PGPEP1L: variants seen among roughly 807,000 people sequenced by gnomAD.
PGPEP1L encodes the protein pyroglutamyl-peptidase 1-like protein.
In PGPEP1L, 7 loss-of-function variants were observed where a neutral mutation model predicts 6.0. The ratio of observed to expected loss-of-function variants is 1.17; its 90% confidence interval spans 0.66 to 2.19. The LOEUF is 2.19. Ranked by LOEUF, PGPEP1L falls within the 30% of genes most tolerant of loss-of-function variation. The probability of loss-of-function intolerance (pLI) is 0.00; values close to 1 mark genes in which losing one functional copy is unlikely to be tolerated. For missense variants in PGPEP1L, 209 were observed against 192.5 expected (o/e 1.09, Z -0.51); for synonymous variants, 103 against 83.9 (o/e 1.23, Z -1.24).
At chr15:98,978,268 C>T (rs1031063567) in intron 2 of PGPEP1L, among the ~76,000 whole-genome samples, 1 of 152,144 alleles carries the variant, frequency 6.6e-6, no homozygotes, top group African/African-American at 2.4e-5. Context: ...GAGTGGAACC[C>T]GAAACTGGGA....
intron 4 of PGPEP1L, 109 bp from the exon 5 acceptor site, chr15:98,968,806 G>GC (rs1421049208): frequency 3.1e-6 from 3 of 957,596 alleles, no homozygotes; most frequent in Non-Finnish European, 4.7e-6. Context: ...AGGGAGCACT[G>GC]CCACCCAAGG....
chr15:98,990,440 T>C (rs1375535466), intron 2 of PGPEP1L, among the ~76,000 whole-genome samples: 3 of 152,138 alleles, frequency 2.0e-5, no homozygotes, highest in African/African-American at 7.2e-5. Context: ...GCACCCAATA[T>C]AGGAGCACCC....
At chr15:98,989,272 G>A (rs943836123) in intron 2 of PGPEP1L, among the ~76,000 whole-genome samples, 1 of 152,178 alleles carries the variant, frequency 6.6e-6, no homozygotes, top group Non-Finnish European at 1.5e-5. Flanking sequence ...AGAATAACCA[G>A]TTTAGAGAAG....
chr15:99,003,433 G>A (rs1188668950), intron 2 of PGPEP1L, among the ~76,000 whole-genome samples: 25 of 150,766 alleles, frequency 1.7e-4, no homozygotes, highest in Admixed American at 9.9e-4. Flanking sequence ...AGCCCCCAGT[G>A]CAACTTGCAA....
rs544264319 is a variant in PGPEP1L at position 98,968,471 on chromosome 15, C to G, written c.*7G>C. The G allele has an allele frequency of 6.2e-7, 1 of 1,610,780 alleles. No homozygotes were observed. Among genetic ancestry groups the G allele is most frequent in the African/African-American group, 1.3e-5 (1 of 74,902 alleles). On this transcript the variant is annotated 3_prime_UTR_variant, in exon 5 of 5. Coordinates refer to ENST00000535714, the MANE Select transcript of PGPEP1L (RefSeq NM_001167902.2). ...ATTCAATTTTCTCTAGAGGAGCAAT[C>G]CCCCGGTCAGTTCCCTTTGGCTGGA...
At chr15:98,970,994 C>T in intron 3 of PGPEP1L, 42 bp downstream of exon 3, 2 of 1,609,634 alleles carry the variant, frequency 1.2e-6, no homozygotes, top group Non-Finnish European at 1.7e-6. Context: ...TCCAGCTCCA[C>T]ATCGCCAGTC....
chr15:99,004,018 C>T (rs1225038155), intron 2 of PGPEP1L, among the ~76,000 whole-genome samples: 3 of 147,990 alleles, frequency 2.0e-5, no homozygotes, highest in Non-Finnish European at 3.0e-5. Context: ...AAAGATTAAG[C>T]GACACAACTT....
At chr15:98,987,256 G>A (rs1206633397) in intron 2 of PGPEP1L, among the ~76,000 whole-genome samples, 1 of 147,340 alleles carries the variant, frequency 6.8e-6, no homozygotes, top group African/African-American at 2.5e-5. Flanking sequence ...GCCTTCCTCT[G>A]TTTGGGGACA....
chr15:98,975,953 T>C (rs2017563447), intron 2 of PGPEP1L, among the ~76,000 whole-genome samples: 1 of 151,870 alleles, frequency 6.6e-6, no homozygotes, highest in Non-Finnish European at 1.5e-5. Context: ...AGATGTATGG[T>C]GAAATAAGCC....
chr15:98,981,636 G>A (rs1829652), intron 2 of PGPEP1L, among the ~76,000 whole-genome samples: 131,258 of 152,164 alleles, frequency 0.86, 57,575 homozygotes, highest in South Asian at 0.94. Context: ...CAGAAGAGAG[G>A]CATTAGGGGA....
intron 2 of PGPEP1L, among the ~76,000 whole-genome samples, chr15:98,978,706 G>GTGTATATATATATA (rs1454206317): frequency 1.1e-5 from 1 of 90,566 alleles, no homozygotes; most frequent in African/African-American, 4.5e-5. Flanking sequence ...ATTAGACTGT[G>GTGTATATATATATA]TATATATATA....
At chr15:98,992,250 G>A (rs1228875026) in intron 2 of PGPEP1L, among the ~76,000 whole-genome samples, 1 of 152,204 alleles carries the variant, frequency 6.6e-6, no homozygotes, top group East Asian at 1.9e-4. Context: ...TTTCAGCAAA[G>A]TCTCAGGATA....
At chr15:98,995,396 C>T (rs1440250506) in intron 2 of PGPEP1L, among the ~76,000 whole-genome samples, 2 of 152,174 alleles carry the variant, frequency 1.3e-5, no homozygotes, top group Non-Finnish European at 2.9e-5. Context: ...ACAATTATCC[C>T]ATTTAAAGCC....
rs782762083 is a variant in PGPEP1L, at chr15:99,007,448, C to G, written c.-459G>C. On this transcript the variant is annotated 5_prime_UTR_variant, in exon 1 of 5. Coordinates refer to ENST00000535714, the MANE Select transcript of PGPEP1L (RefSeq NM_001167902.2). The stretch of plus-strand genomic sequence containing the variant: ...CCGCGGACCCTGGCGGTGAGTGTTA[C>G]AGTTTTTAAAGGCAGCGTGTCCCAA... 6.6e-6 allele frequency: 1 copy of G among 152,318 alleles called. No individual in the cohort carries two copies. Among genetic ancestry groups the G allele is most frequent in the Non-Finnish European group, 1.5e-5 (1 of 68,128 alleles). 9.4% of individuals were successfully genotyped at this position (152,318 alleles called of 1,614,324 possible). A position where few individuals can be genotyped will look rare whatever the true frequency, so the allele number is the denominator to read the frequency against.
At chr15:98,994,976 T>C (rs965028642) in intron 2 of PGPEP1L, among the ~76,000 whole-genome samples, 3 of 152,228 alleles carry the variant, frequency 2.0e-5, no homozygotes, top group South Asian at 2.1e-4. Flanking sequence ...TGGCTAAAGA[T>C]CTCCTTGTTT....
At chr15:98,986,689 C>A (rs559585839) in intron 2 of PGPEP1L, among the ~76,000 whole-genome samples, 1 of 152,158 alleles carries the variant, frequency 6.6e-6, no homozygotes, top group African/African-American at 2.4e-5. Flanking sequence ...TGGCTGGCAT[C>A]TGAAGTGGGG....
rs11852528 is a variant in PGPEP1L, at chr15:99,007,678, C to T, written c.-689G>A. 0.74 allele frequency: 112,884 copies of T among 151,916 alleles called. 42,357 individuals are homozygous for T. The highest frequency in any genetic ancestry group is 0.8 in the Non-Finnish European group (54,369 of 68,004). The allele number at this position is 151,916 out of a possible 1,614,324, so 9.4% of individuals were successfully genotyped here. ...CGAAGCTGCAGACCTTCACGGTGAG[C>T]GTTACAGCTCATAAAGGCAGTGCGG... On this transcript the variant is annotated 5_prime_UTR_variant, in exon 1 of 5. Coordinates refer to ENST00000535714, the MANE Select transcript of PGPEP1L (RefSeq NM_001167902.2).
chr15:98,977,653 A>G (rs1351405329), intron 2 of PGPEP1L, among the ~76,000 whole-genome samples: 2 of 152,206 alleles, frequency 1.3e-5, no homozygotes, highest in African/African-American at 4.8e-5. Context: ...AGTGTGTTCC[A>G]TGCTGGGTGG....
At chr15:99,003,511 G>A (rs1555473306) in intron 2 of PGPEP1L, among the ~76,000 whole-genome samples, 1 of 152,014 alleles carries the variant, frequency 6.6e-6, no homozygotes, top group East Asian at 1.9e-4. Context: ...TCACTCTTGT[G>A]GTTATCGTTG....
Sources: gnomAD v4.1 joint callset for allele counts (sites outside exome capture counted in the v4.1 genomes callset) on GRCh38, gnomAD v4.1.1 for gene constraint, MANE v1.5 for transcripts, NCBI Gene and HGNC (gene_info 2026-07-23, HGNC 2026-07-21) for gene names.